The following DNAJC24 variants were observed in gnomAD, a reference collection of about 807,000 sequenced individuals.
DNAJC24 encodes DnaJ heat shock protein family (Hsp40) member C24, also known as dnaJ homolog subfamily C member 24.
A neutral mutation model predicts 18.0 loss-of-function variants in DNAJC24; 17 were observed. That is an observed-to-expected ratio of 0.94 (90% CI 0.65 to 1.42). DNAJC24 has a LOEUF of 1.42. Ranked by LOEUF, DNAJC24 falls within the 40% of genes most tolerant of loss-of-function variation. The pLI is 0.00. For missense variants in DNAJC24, 158 were observed against 175.6 expected, an observed-to-expected ratio of 0.90 and a Z score of 0.57; for synonymous variants, 55 against 57.7, an observed-to-expected ratio of 0.95 and a Z score of 0.21.
intron 2 of DNAJC24, among the ~76,000 whole-genome samples, chr11:31,410,916 C>T (rs2133494550): frequency 6.6e-6 from 1 of 152,218 alleles, no homozygotes; most frequent in South Asian, 2.1e-4. Context: ...TCAGTTTGTC[C>T]ATTTTCCCTA....
intron 2 of DNAJC24, among the ~76,000 whole-genome samples, chr11:31,393,793 A>C (rs1952520602): frequency 6.6e-6 from 1 of 152,168 alleles, no homozygotes; most frequent in Non-Finnish European, 1.5e-5. Context: ...GACAAGGTGT[A>C]AATTAATTGT....
chr11:31,384,591 C>T (rs1952409574), intron 2 of DNAJC24: 1 of 152,208 alleles, frequency 6.6e-6, no homozygotes, highest in Non-Finnish European at 1.5e-5. Context: ...TTATTCCTTA[C>T]AGGTTCATTG....
intron 2 of DNAJC24, among the ~76,000 whole-genome samples, chr11:31,390,074 A>G (rs76379705): frequency 0.021 from 3,122 of 152,274 alleles, 98 homozygotes; most frequent in African/African-American, 0.07. Context: ...CAAAACCTGA[A>G]CAGACCAATA....
rs1018768077 is a variant in DNAJC24, at chr11:31,432,035, C to T, written c.*1634C>T. On this transcript the variant is annotated 3_prime_UTR_variant, in exon 5 of 5. Transcript: ENST00000465995. ...ACTCATTTAAAGAACTTTAAGGGATCCTTTAGAAACATTTTTACTTAATTT... is the reference window on the plus strand; with the variant it reads ...ACTCATTTAAAGAACTTTAAGGGATTCTTTAGAAACATTTTTACTTAATTT... 1.3e-5 allele frequency among the ~76,000 whole-genome samples: 2 copies of T among 152,046 alleles called. No homozygotes were observed. The highest frequency in any genetic ancestry group is 2.9e-5 in the Non-Finnish European group (2 of 68,008).
chr11:31,420,388 G>A (rs1028093233), intron 3 of DNAJC24, among the ~76,000 whole-genome samples: 33 of 152,042 alleles, frequency 2.2e-4, no homozygotes, highest in Admixed American at 9.8e-4. Flanking sequence ...TAAAGACACA[G>A]AATTGTAGGT....
intron 2 of DNAJC24, among the ~76,000 whole-genome samples, chr11:31,399,991 T>C (rs1039904624): frequency 2.0e-5 from 3 of 152,088 alleles, no homozygotes; most frequent in Non-Finnish European, 4.4e-5. Context: ...AGCTCCCACT[T>C]ATGAGTGAGA....
At chr11:31,394,938 A>G (rs1009314618) in intron 2 of DNAJC24, among the ~76,000 whole-genome samples, 1 of 152,204 alleles carries the variant, frequency 6.6e-6, no homozygotes, top group Non-Finnish European at 1.5e-5. Flanking sequence ...GTTACATTGC[A>G]TGTTACAGGG....
In DNAJC24 at chr11:31,404,491, G is replaced by A. The variant is rs549038575; in HGVS notation, c.112-10320G>A. Among the ~76,000 whole-genome samples, 3 of 152,216 alleles carry A rather than the reference G, an allele frequency of 2.0e-5. No individual in the cohort carries two copies. The East Asian group carries it at 5.8e-4, about 29-fold the overall frequency. Reference sequence around the variant, plus strand: ...TTTCCTTTATTTGCAAGCTGGGGGTGGAAAGCAGCAGACCCCAGAGAGGAA... The same window carrying A: ...TTTCCTTTATTTGCAAGCTGGGGGTAGAAAGCAGCAGACCCCAGAGAGGAA... On this transcript the variant is annotated intron_variant, in intron 2 of 4. Transcript: ENST00000465995.
chr11:31,399,364 A>G (rs186713150), intron 2 of DNAJC24, among the ~76,000 whole-genome samples: 25 of 150,518 alleles, frequency 1.7e-4, no homozygotes, highest in Admixed American at 1.7e-3. Context: ...AACCTTTTAC[A>G]TTTCTTTATT....
chr11:31,393,293 G>T (rs1162244443), intron 2 of DNAJC24, among the ~76,000 whole-genome samples: 2 of 152,066 alleles, frequency 1.3e-5, no homozygotes, highest in African/African-American at 4.8e-5. Flanking sequence ...ACCTATAATG[G>T]GGCACATAGG....
At chr11:31,389,806 A>G (rs1952470495) in intron 2 of DNAJC24, among the ~76,000 whole-genome samples, 1 of 152,248 alleles carries the variant, frequency 6.6e-6, no homozygotes, top group Non-Finnish European at 1.5e-5. Flanking sequence ...AATAATATCA[A>G]GCATATTCTC....
At chr11:31,389,255 A>G (rs1419569684) in intron 2 of DNAJC24, among the ~76,000 whole-genome samples, 2 of 152,188 alleles carry the variant, frequency 1.3e-5, no homozygotes, top group Admixed American at 6.5e-5. Flanking sequence ...TCTGTTGCCT[A>G]CAAGAAACCC....
chr11:31,421,867 G>A (rs1393865207), intron 3 of DNAJC24: 2 of 311,448 alleles, frequency 6.4e-6, no homozygotes, highest in African/African-American at 2.3e-5. Context: ...CCCAGCGAGA[G>A]CTCTAGTAAG....
chr11:31,425,030 A>G (rs1321037658), intron 3 of DNAJC24, among the ~76,000 whole-genome samples: 1 of 151,910 alleles, frequency 6.6e-6, no homozygotes, highest in Admixed American at 6.6e-5. Flanking sequence ...TACAGGAAAT[A>G]TAACCTGCCT....
intron 2 of DNAJC24, among the ~76,000 whole-genome samples, chr11:31,381,483 G>A (rs1473139970): frequency 6.6e-6 from 1 of 152,000 alleles, no homozygotes; most frequent in Non-Finnish European, 1.5e-5. Flanking sequence ...TATTGGTGTG[G>A]TGTGTAGGAT....
intron 2 of DNAJC24, among the ~76,000 whole-genome samples, chr11:31,377,804 A>G (rs1952333197): frequency 6.6e-6 from 1 of 152,042 alleles, no homozygotes; most frequent in Non-Finnish European, 1.5e-5. Flanking sequence ...GTTGGAAAAG[A>G]GTTATTGTGT....
intron 2 of DNAJC24, among the ~76,000 whole-genome samples, chr11:31,390,888 C>G (rs1256646670): frequency 6.6e-6 from 1 of 151,892 alleles, no homozygotes; most frequent in African/African-American, 2.4e-5. Context: ...ACCCTGATAC[C>G]AAAACCAGAC....
At chr11:31,420,085 C>T (rs890463707) in intron 3 of DNAJC24, among the ~76,000 whole-genome samples, 1 of 152,000 alleles carries the variant, frequency 6.6e-6, no homozygotes, top group Non-Finnish European at 1.5e-5. Context: ...TAACACCTAC[C>T]CATTCACCTG....
intron 2 of DNAJC24, among the ~76,000 whole-genome samples, chr11:31,399,932 C>T (rs529671922): frequency 4.6e-5 from 7 of 152,082 alleles, no homozygotes; most frequent in African/African-American, 7.2e-5. Flanking sequence ...TCTCAACAGG[C>T]CCTGGTGTGT....
Sources: allele counts gnomAD v4.1 joint callset (sites outside exome capture counted in the v4.1 genomes callset), GRCh38; gene constraint gnomAD v4.1.1; transcripts MANE v1.5; gene names NCBI Gene and HGNC (gene_info 2026-07-23, HGNC 2026-07-21).